MRPL35: variants seen among roughly 807,000 people sequenced by gnomAD.
The protein encoded by MRPL35 is mitochondrial ribosomal protein L35.
MRPL35 carries 18 observed loss-of-function variants against 21.6 expected under a neutral mutation model. That is an observed-to-expected ratio of 0.83 (90% CI 0.58 to 1.24). The LOEUF (loss-of-function observed/expected upper bound fraction) is 1.24, where lower values mean the gene tolerates loss of function less well. MRPL35 is among the 50% of genes most tolerant of loss of function. The pLI, the probability that MRPL35 is intolerant of heterozygous loss-of-function variation, is 0.00. For synonymous variants in MRPL35, 87 were observed against 86.9 expected, an observed-to-expected ratio of 1.00 and a Z score of -0.01; for missense variants, 223 against 223.2, an observed-to-expected ratio of 1.00 and a Z score of 0.01.
chr2:86,213,508 T>C lies in MRPL35; in HGVS notation c.*2840T>C. ...TGTTTAATTTTGATGTTTCAAATTTTGAGCTTCCAAGTCTTTGTGGCCACC... is the reference window on the plus strand; with the variant it reads ...TGTTTAATTTTGATGTTTCAAATTTCGAGCTTCCAAGTCTTTGTGGCCACC... On this transcript the variant is annotated 3_prime_UTR_variant, in exon 4 of 4. Transcript: ENST00000337109. The C allele has an allele frequency of 7.2e-7, 1 of 1,383,446 alleles. No homozygotes were observed. Among genetic ancestry groups the C allele is most frequent in the Non-Finnish European group, 9.5e-7 (1 of 1,055,492 alleles). 85.7% of individuals were successfully genotyped at this position (1,383,446 alleles called of 1,614,324 possible).
In MRPL35 at chr2:86,211,542, A is replaced by C; in HGVS notation, c.*874A>C. On this transcript the variant is annotated 3_prime_UTR_variant, in exon 4 of 4. Transcript: ENST00000337109. ...ACACCAGGTTCATTGTGTTCATAAC[A>C]CTTGTCATTTACTGTAACAACATTT... is the stretch of plus-strand genomic sequence containing the variant. 2 of 985,490 alleles carry C rather than the reference A, an allele frequency of 2.0e-6. No individual in the cohort carries two copies. The highest frequency in any genetic ancestry group is 2.4e-6 in the Non-Finnish European group (2 of 829,948). 61.0% of individuals were successfully genotyped at this position (985,490 alleles called of 1,614,324 possible).
In MRPL35 at chr2:86,211,560, C is replaced by A; in HGVS notation, c.*892C>A. 1.0e-6 allele frequency: 1 copy of A among 985,440 alleles called. No individual in the cohort carries two copies. Among genetic ancestry groups the A allele is most frequent in the African/African-American group, 1.7e-5 (1 of 57,360 alleles). The allele number at this position is 985,440 out of a possible 1,614,324, so 61.0% of individuals were successfully genotyped here. On this transcript the variant is annotated 3_prime_UTR_variant, in exon 4 of 4. Transcript: ENST00000337109. ...TCATAACACTTGTCATTTACTGTAA[C>A]AACATTTTTTCATAGGAGAGTAAAT...
chr2:86,204,953 C>T (rs1018810357), intron 1 of MRPL35, among the ~76,000 whole-genome samples: 1 of 152,178 alleles, frequency 6.6e-6, no homozygotes, highest in Non-Finnish European at 1.5e-5. Flanking sequence ...AACATATATT[C>T]TGAGGCCGGG....
At chr2:86,210,091 G>A (rs1417662832) in intron 3 of MRPL35, among the ~76,000 whole-genome samples, 3 of 152,104 alleles carry the variant, frequency 2.0e-5, no homozygotes, top group Admixed American at 2.0e-4. Flanking sequence ...TTTTAAAGAT[G>A]TAAAATAGAA....
At chr2:86,199,673 G>A (rs1172661133) in intron 1 of MRPL35, 140 bp downstream of exon 1, 1 of 1,098,784 alleles carries the variant, frequency 9.1e-7, no homozygotes, top group Non-Finnish European at 1.3e-6. Context: ...AATTTTCTCT[G>A]GGGCGGTGTG....
Position 86,211,572 on chromosome 2 carries a change from A to T in MRPL35, c.*904A>T, listed in dbSNP as rs1024444373. Reference sequence around the variant, plus strand: ...TCATTTACTGTAACAACATTTTTTCATAGGAGAGTAAATAGCCCTTCAGCA... The same window carrying T: ...TCATTTACTGTAACAACATTTTTTCTTAGGAGAGTAAATAGCCCTTCAGCA... On this transcript the variant is annotated 3_prime_UTR_variant, in exon 4 of 4. Coordinates refer to ENST00000337109, the MANE Select transcript of MRPL35 (RefSeq NM_016622.4). 3 of 985,436 alleles carry T rather than the reference A, an allele frequency of 3.0e-6. No individual in the cohort carries two copies. The highest frequency in any genetic ancestry group is 1.1e-4 in the East Asian group (1 of 8,822). 61.0% of individuals were successfully genotyped at this position (985,436 alleles called of 1,614,324 possible).
intron 3 of MRPL35, among the ~76,000 whole-genome samples, chr2:86,209,624 C>G (rs1037819693): frequency 1.3e-5 from 2 of 152,120 alleles, no homozygotes; most frequent in Admixed American, 6.5e-5. Context: ...ATTCATAATT[C>G]CTTAGAAAAG....
rs375682545 is a variant in MRPL35, at chr2:86,206,343, T to G, written c.233+48T>G. ...GTTTTTTTTGTTTTTTGTTTTTTGT[T>G]TTTTTTTGAGACGGAGTCTCACTCT... On this transcript the variant is annotated intron_variant, in intron 2 of 3. Coordinates refer to ENST00000337109, the MANE Select transcript of MRPL35 (RefSeq NM_016622.4). 63 of 1,531,718 alleles carry G rather than the reference T, an allele frequency of 4.1e-5. No individual in the cohort carries two copies. In the African/African-American group the frequency reaches 7.1e-4, roughly 17 times the overall value. 94.9% of individuals were successfully genotyped at this position (1,531,718 alleles called of 1,614,324 possible).
At chr2:86,209,998 C>A (rs1406226088) in intron 3 of MRPL35, among the ~76,000 whole-genome samples, 1 of 152,086 alleles carries the variant, frequency 6.6e-6, no homozygotes, top group South Asian at 2.1e-4. Flanking sequence ...CAGAGTGAGA[C>A]CCTGTCTCAA....
Position 86,207,216 on chromosome 2 carries a change from G to T in MRPL35, c.267G>T (p.Leu89=), listed in dbSNP as rs948128478. The change falls in exon 3 of 4, where the codon CTG becomes CTT. Residue 89 remains leucine (L), a synonymous_variant. Coordinates refer to ENST00000337109, the MANE Select transcript of MRPL35 (RefSeq NM_016622.4). ...CCGTGCTTCCAAGTGTCCTGAAGCT[G>T]CCAGTCAGATCTCTAACATACTTCA... ...MAPVLPSVLK[L]PVRSLTYFSA... 2.6e-5 allele frequency: 42 copies of T among 1,613,436 alleles called. No individual in the cohort carries two copies. Among genetic ancestry groups the T allele is most frequent in the Non-Finnish European group, 3.5e-5 (41 of 1,179,686 alleles).
rs753312269 is a variant in MRPL35, at chr2:86,210,802, T to C, written c.*134T>C. 2.8e-4 allele frequency: 370 copies of C among 1,337,446 alleles called. No homozygotes were observed. Among genetic ancestry groups the C allele is most frequent in the Non-Finnish European group, 3.3e-4 (346 of 1,039,970 alleles). The allele number at this position is 1,337,446 out of a possible 1,614,324, so 82.8% of individuals were successfully genotyped here. On this transcript the variant is annotated 3_prime_UTR_variant, in exon 4 of 4. Coordinates refer to ENST00000337109, the MANE Select transcript of MRPL35 (RefSeq NM_016622.4). ...TAAACATACAGTGACAACATTAAAC[T>C]TAGAAAAGTTTTAAAACTTAATGGA...
In MRPL35 at chr2:86,212,768, G is replaced by T; in HGVS notation, c.*2100G>T. On this transcript the variant is annotated 3_prime_UTR_variant, in exon 4 of 4. Coordinates refer to ENST00000337109, the MANE Select transcript of MRPL35 (RefSeq NM_016622.4). The stretch of plus-strand genomic sequence containing the variant: ...ATTTCATACATACGATTTTTGTTTT[G>T]TGGGTAGGAGGGCTTATCATCAACA... The T allele has an allele frequency of 9.0e-7, 1 of 1,105,204 alleles. No homozygotes were observed. The highest frequency in any genetic ancestry group is 1.1e-6 in the Non-Finnish European group (1 of 907,910). The allele number at this position is 1,105,204 out of a possible 1,614,324, so 68.5% of individuals were successfully genotyped here.
intron 1 of MRPL35, among the ~76,000 whole-genome samples, chr2:86,201,928 C>T (rs1482132340): frequency 4.6e-5 from 7 of 152,196 alleles, no homozygotes; most frequent in South Asian, 2.1e-4. Context: ...TTCCCTCTGT[C>T]TCTTCGTACT....
chr2:86,203,493 T>C (rs1673732510), intron 1 of MRPL35, among the ~76,000 whole-genome samples: 1 of 152,224 alleles, frequency 6.6e-6, no homozygotes, highest in African/African-American at 2.4e-5. Flanking sequence ...TTAAGCTATA[T>C]GTGTAAGATT....
At chr2:86,209,221 A>G (rs191419715) in intron 3 of MRPL35, among the ~76,000 whole-genome samples, 86 of 152,362 alleles carry the variant, frequency 5.6e-4, no homozygotes, top group Admixed American at 2.1e-3. Flanking sequence ...CAGAACTCTT[A>G]AATAACCTTT....
In MRPL35 at chr2:86,207,197, T is replaced by G; in HGVS notation, c.248T>G (p.Leu83Arg). 1 of 1,611,972 alleles carries G rather than the reference T, an allele frequency of 6.2e-7. No homozygotes were observed. Among genetic ancestry groups the G allele is most frequent in the Non-Finnish European group, 8.5e-7 (1 of 1,178,926 alleles). The stretch of plus-strand genomic sequence containing the variant: ...TATATTTTTAGAATGGCCCCCGTGC[T>G]TCCAAGTGTCCTGAAGCTGCCAGTC... ...SVILNRMAPV[L>R]PSVLKLPVRS... Residue 83 changes from leucine to arginine, a missense_variant, in exon 3 of 4, where the codon CTT becomes CGT. Physicochemically the swap from Leu to Arg is moderately radical, Grantham distance 102. Transcript: ENST00000337109.
Position 86,212,371 on chromosome 2 carries a change from G to A in MRPL35, c.*1703G>A. 3.1e-6 allele frequency: 5 copies of A among 1,613,444 alleles called. No homozygotes were observed. Among genetic ancestry groups the A allele is most frequent in the African/African-American group, 1.3e-5 (1 of 75,002 alleles). ...TTGATTTGAGGTGAGGTAAAAGCCT[G>A]AAACATGGAATGGCATTCTGTTTTG... is the stretch of plus-strand genomic sequence containing the variant. On this transcript the variant is annotated 3_prime_UTR_variant, in exon 4 of 4. Transcript: ENST00000337109.
chr2:86,199,519 T>C lies in MRPL35; in HGVS notation c.29T>C (p.Val10Ala). The change falls in exon 1 of 4, where the codon GTG becomes GCG. Residue 10 changes from valine (V) to alanine (A), a missense_variant. By Grantham distance (64) the Val-to-Ala change is moderately conservative (BLOSUM62 0). Transcript: ENST00000337109. Reference sequence around the variant, plus strand: ...GCTGCCTCTGCCTTTGCTGGTGCAGTGAGAGCAGCTTCAGGTCAGTGGAGA... The same window carrying C: ...GCTGCCTCTGCCTTTGCTGGTGCAGCGAGAGCAGCTTCAGGTCAGTGGAGA... Reference protein sequence around the residue: MAASAFAGAVRAASGILRPL... With the variant: MAASAFAGAARAASGILRPL... The C allele has an allele frequency of 2.5e-6, 4 of 1,614,160 alleles. No homozygotes were observed. The highest frequency in any genetic ancestry group is 3.4e-6 in the Non-Finnish European group (4 of 1,180,032).
In MRPL35 at chr2:86,211,441, A is replaced by G. The variant is rs1673900519; in HGVS notation, c.*773A>G. 2.0e-6 allele frequency: 2 copies of G among 985,368 alleles called. No homozygotes were observed. Among genetic ancestry groups the G allele is most frequent in the Non-Finnish European group, 2.4e-6 (2 of 829,978 alleles). 61.0% of individuals were successfully genotyped at this position (985,368 alleles called of 1,614,324 possible). On this transcript the variant is annotated 3_prime_UTR_variant, in exon 4 of 4. Transcript: ENST00000337109. ...GCCCGCTTTGTATTAGCAGGTTTGC[A>G]TGCAGCAAAAAAACAGTTATGTGAG...
Sources: allele counts gnomAD v4.1 joint callset (sites outside exome capture counted in the v4.1 genomes callset), GRCh38; gene constraint gnomAD v4.1.1; transcripts MANE v1.5; gene names NCBI Gene and HGNC (gene_info 2026-07-23, HGNC 2026-07-21).